The following DUSP22 variants were observed in gnomAD, a reference collection of about 807,000 sequenced individuals.
DUSP22 encodes dual specificity phosphatase 22.
A neutral mutation model predicts 24.5 loss-of-function variants in DUSP22; 24 were observed. The ratio of observed to expected loss-of-function variants is 0.98; its 90% CI spans 0.71 to 1.38. The LOEUF (loss-of-function observed/expected upper bound fraction) is 1.38, where lower values mean the gene tolerates loss of function less well. Among genes scored for constraint, DUSP22 ranks in the 40% most tolerant of loss-of-function variants. The probability of loss-of-function intolerance (pLI) is 0.00; values close to 1 mark genes in which losing one functional copy is unlikely to be tolerated. For missense variants in DUSP22, 330 were observed against 269.2 expected (o/e 1.23, Z -1.58); for synonymous variants, 160 against 106.4 (o/e 1.50, Z -3.10).
intron 1 of DUSP22, among the ~76,000 whole-genome samples, chr6:293,883 A>G (rs1757207236): frequency 6.9e-6 from 1 of 144,406 alleles, no homozygotes; most frequent in Non-Finnish European, 1.5e-5. Context: ...TTATATTCCG[A>G]TGAGCACTGG....
In DUSP22 at chr6:311,243, C is replaced by T. The variant is rs1341916906; in HGVS notation, c.56-637C>T. 4.6e-5 allele frequency among the ~76,000 whole-genome samples: 7 copies of T among 152,304 alleles called. No homozygotes were observed. The East Asian group carries it at 7.7e-4, about 17-fold the overall frequency. On this transcript the variant is annotated intron_variant, in intron 2 of 6. Coordinates refer to ENST00000419235, the MANE Select transcript of DUSP22 (RefSeq NM_001286555.3). Reference sequence around the variant, plus strand: ...CACATAGCAGATGGCTTCAAGGTAACCATTTAGCTCAAGGGGGAGGGAGAG... The same window carrying T: ...CACATAGCAGATGGCTTCAAGGTAATCATTTAGCTCAAGGGGGAGGGAGAG...
At chr6:308,140 C>G (rs759259481) in intron 2 of DUSP22, among the ~76,000 whole-genome samples, 3 of 152,296 alleles carry the variant, frequency 2.0e-5, no homozygotes, top group Non-Finnish European at 2.9e-5. Flanking sequence ...ATGTTCTGAT[C>G]AAGTAGACAT....
intron 2 of DUSP22, among the ~76,000 whole-genome samples, chr6:309,129 T>C (rs528820328): frequency 6.6e-6 from 1 of 152,424 alleles, no homozygotes; most frequent in African/African-American, 2.4e-5. Flanking sequence ...CTAGCCTTGC[T>C]GGTACCCCAA....
chr6:311,814 G>A, intron 2 of DUSP22, 66 bp from the exon 3 acceptor site: 2 of 1,471,062 alleles, frequency 1.4e-6, no homozygotes, highest in Non-Finnish European at 1.8e-6. Context: ...TTTTTTTCTG[G>A]CTAGACTTTA....
chr6:315,351 C>T (rs945797996), intron 3 of DUSP22, among the ~76,000 whole-genome samples: 2 of 152,296 alleles, frequency 1.3e-5, no homozygotes, highest in South Asian at 2.1e-4. Flanking sequence ...GCAAGCCTAA[C>T]TCTATCATTG....
chr6:335,006 CCTTTTT>C (rs1759299803), intron 3 of DUSP22, 102 bp from the exon 4 acceptor site: 3 of 1,297,884 alleles, frequency 2.3e-6, no homozygotes, highest in Non-Finnish European at 3.2e-6. Context: ...AAAAACTTCT[CCTTTTT>C]ATTTTTTTAT....
chr6:333,350 G>A (rs556098387), intron 3 of DUSP22, among the ~76,000 whole-genome samples: 5 of 152,420 alleles, frequency 3.3e-5, no homozygotes, highest in African/African-American at 1.2e-4. Context: ...CAGCAATAAA[G>A]TTCATCTCCT....
At chr6:328,788 A>T (rs1280851749) in intron 3 of DUSP22, among the ~76,000 whole-genome samples, 1 of 152,302 alleles carries the variant, frequency 6.6e-6, no homozygotes, top group Non-Finnish European at 1.5e-5. Flanking sequence ...TTCTGCAGTA[A>T]TTTATTTGGG....
chr6:334,309 T>C (rs1472993329), intron 3 of DUSP22, among the ~76,000 whole-genome samples: 1 of 152,310 alleles, frequency 6.6e-6, no homozygotes, highest in Non-Finnish European at 1.5e-5. Context: ...CATAATCTCT[T>C]ACAAAGAGAA....
At chr6:316,042 C>T (rs1478388856) in intron 3 of DUSP22, among the ~76,000 whole-genome samples, 2 of 152,306 alleles carry the variant, frequency 1.3e-5, no homozygotes, top group Non-Finnish European at 2.9e-5. Flanking sequence ...TTTGGCGATG[C>T]CTAAGAATTC....
chr6:334,859 G>T (rs1759292261), intron 3 of DUSP22, among the ~76,000 whole-genome samples: 2 of 152,304 alleles, frequency 1.3e-5, no homozygotes, highest in Admixed American at 6.5e-5. Context: ...TCACTTTTTT[G>T]ATGTGCCCTT....
intron 1 of DUSP22, among the ~76,000 whole-genome samples, chr6:293,903 G>C (rs541312971): frequency 8.8e-5 from 13 of 147,792 alleles, no homozygotes; most frequent in African/African-American, 3.0e-4. Flanking sequence ...GAATCCATCA[G>C]CACCACGAGC....
intron 4 of DUSP22, among the ~76,000 whole-genome samples, chr6:342,156 T>A (rs1387479746): frequency 6.6e-6 from 1 of 152,308 alleles, no homozygotes; most frequent in African/African-American, 2.4e-5. Context: ...AGCTGCTAAC[T>A]TTCATGTTGC....
At chr6:316,839 A>G (rs1263287172) in intron 3 of DUSP22, among the ~76,000 whole-genome samples, 2 of 152,310 alleles carry the variant, frequency 1.3e-5, no homozygotes, top group African/African-American at 4.8e-5. Flanking sequence ...CACATACTGT[A>G]AGATGACAGT....
Position 311,871 on chromosome 6 carries a change from C to G in DUSP22, c.56-9C>G, listed in dbSNP as rs375951257. On this transcript the variant is annotated splice_polypyrimidine_tract_variant and intron_variant, in intron 2 of 6. Coordinates refer to ENST00000419235, the MANE Select transcript of DUSP22 (RefSeq NM_001286555.3). ...TATCAAAATGTCCATCCCCTTTCTT[C>G]TCTGACAGATGCCAGAGACGCGGAA... 8 of 1,608,312 alleles carry G rather than the reference C, an allele frequency of 5.0e-6. No homozygotes were observed. In the African/African-American group the frequency reaches 1.1e-4, roughly 22 times the overall value.
chr6:321,068 C>T (rs1758566730), intron 3 of DUSP22, among the ~76,000 whole-genome samples: 1 of 152,296 alleles, frequency 6.6e-6, no homozygotes, highest in South Asian at 2.1e-4. Flanking sequence ...GACAGCAAGG[C>T]TTCACCAAAG....
At chr6:345,467 C>A (rs567359967) in intron 4 of DUSP22, among the ~76,000 whole-genome samples, 8 of 152,410 alleles carry the variant, frequency 5.2e-5, no homozygotes, top group African/African-American at 1.9e-4. Flanking sequence ...GCCTCAGCCT[C>A]CCAAATTGCT....
At chr6:302,644 A>C (rs931445423) in intron 1 of DUSP22, among the ~76,000 whole-genome samples, 3 of 152,306 alleles carry the variant, frequency 2.0e-5, no homozygotes, top group Non-Finnish European at 2.9e-5. Flanking sequence ...TTTAGCCACT[A>C]TGATACGTTC....
intron 2 of DUSP22, 81 bp downstream of exon 2, chr6:304,742 G>A (rs1259357672): frequency 2.7e-5 from 43 of 1,583,284 alleles, no homozygotes; most frequent in Non-Finnish European, 3.5e-5. Context: ...AAGTGTATAG[G>A]TCAGTGGCTT....
Sources: allele counts gnomAD v4.1 joint callset (sites outside exome capture counted in the v4.1 genomes callset), GRCh38; gene constraint gnomAD v4.1.1; transcripts MANE v1.5; gene names NCBI Gene and HGNC (gene_info 2026-07-23, HGNC 2026-07-21).